CELF2: variants seen among roughly 807,000 people sequenced by gnomAD.
CELF2 encodes the protein CUG triplet repeat RNA-binding protein 2.
Under a neutral mutation model 62.6 loss-of-function variants are expected in CELF2, and 8 were observed. The observed-to-expected ratio is 0.13, with a 90% CI of 0.07 to 0.23. The LOEUF (loss-of-function observed/expected upper bound fraction) is 0.23, where lower values mean the gene tolerates loss of function less well. Among genes scored for constraint, CELF2 ranks in the 10% least tolerant of loss-of-function variants. CELF2 has a pLI of 1.00. For missense variants in CELF2, 333 were observed against 671.0 expected (o/e 0.50, Z 5.56); for synonymous variants, 258 against 250.0 (o/e 1.03, Z -0.30).
chr10:11,208,250 A>G (rs1177948399), intron 2 of CELF2, among the ~76,000 whole-genome samples: 1 of 151,738 alleles, frequency 6.6e-6, no homozygotes, highest in East Asian at 1.9e-4. Context: ...CCTTGGCCCT[A>G]TGAAGGTTCA....
At chr10:10,538,982 T>A in the CELF2 span, among the ~76,000 whole-genome samples, 1 of 152,242 alleles carries the variant, frequency 6.6e-6, no homozygotes, top group Admixed American at 6.5e-5. Context: ...AGCAGGAAAG[T>A]GAAAAGTAAT....
chr10:11,209,624 G>A (rs1001955892), intron 2 of CELF2, among the ~76,000 whole-genome samples: 6 of 150,040 alleles, frequency 4.0e-5, no homozygotes, highest in Non-Finnish European at 7.4e-5. Flanking sequence ...TAATTCAGGG[G>A]ATTTTTGATG....
the CELF2 span, chr10:10,784,466 T>TG: frequency 2.0e-5 from 3 of 152,148 alleles, no homozygotes; most frequent in African/African-American, 7.3e-5. Context: ...TTTTATTGAG[T>TG]GGTGGAGCTG....
intron 2 of CELF2, among the ~76,000 whole-genome samples, chr10:11,180,495 C>T (rs948233755): frequency 3.9e-5 from 6 of 152,298 alleles, no homozygotes; most frequent in African/African-American, 9.6e-5. Context: ...AAACCGACAC[C>T]GTACTCAGTC....
chr10:10,806,003 G>A (rs1246480892), intron 1 of CELF2, among the ~76,000 whole-genome samples: 3 of 152,142 alleles, frequency 2.0e-5, no homozygotes, highest in Non-Finnish European at 4.4e-5. Flanking sequence ...CAGTGTCTGA[G>A]GCCAGAGGAC....
intron 2 of CELF2, chr10:10,944,047 C>G (rs1160564863): frequency 2.6e-5 from 4 of 152,400 alleles, no homozygotes; most frequent in Non-Finnish European, 5.9e-5. Context: ...AGTGAAGAGT[C>G]TCTTTTCTAG....
the CELF2 span, among the ~76,000 whole-genome samples, chr10:10,709,872 G>T: frequency 6.6e-6 from 1 of 152,220 alleles, no homozygotes; most frequent in Non-Finnish European, 1.5e-5. Context: ...GGCTTGGTAT[G>T]TGAATACGTG....
chr10:10,636,143 A>G, the CELF2 span, among the ~76,000 whole-genome samples: 2 of 152,218 alleles, frequency 1.3e-5, no homozygotes, highest in East Asian at 3.8e-4. Context: ...TATTTGAATT[A>G]TTCCCTTCTG....
At chr10:10,846,005 T>C (rs2058990268) in intron 1 of CELF2, 2 of 476,488 alleles carry the variant, frequency 4.2e-6, no homozygotes, top group South Asian at 9.0e-5. Context: ...CGTCTGTGTG[T>C]CTCAGCTTCG....
At chr10:10,811,587 A>C (rs2055896353) in intron 1 of CELF2, among the ~76,000 whole-genome samples, 1 of 152,140 alleles carries the variant, frequency 6.6e-6, no homozygotes, top group Non-Finnish European at 1.5e-5. Context: ...CACATCTCAA[A>C]GGGATGGAGG....
chr10:10,848,387 T>C (rs1221006152), intron 1 of CELF2, among the ~76,000 whole-genome samples: 1 of 152,220 alleles, frequency 6.6e-6, no homozygotes, highest in Admixed American at 6.5e-5. Context: ...GGCATCATTT[T>C]ATGGATCCCA....
At chr10:10,867,796 G>C (rs1012026769) in intron 1 of CELF2, among the ~76,000 whole-genome samples, 1 of 152,196 alleles carries the variant, frequency 6.6e-6, no homozygotes, top group Non-Finnish European at 1.5e-5. Context: ...CCCAGCCCCA[G>C]GCTGATGGTA....
the CELF2 span, among the ~76,000 whole-genome samples, chr10:10,707,813 A>G: frequency 6.6e-6 from 1 of 152,200 alleles, no homozygotes; most frequent in Admixed American, 6.5e-5. Flanking sequence ...GGTTTGGATT[A>G]TTCGTTTAAA....
chr10:10,891,624 A>G (rs1198820899), intron 1 of CELF2, among the ~76,000 whole-genome samples: 1 of 152,182 alleles, frequency 6.6e-6, no homozygotes, highest in Non-Finnish European at 1.5e-5. Context: ...TAAGAGGCAG[A>G]GCTGGACTTC....
At chr10:10,731,243 AACACACACACACAC>A in the CELF2 span, among the ~76,000 whole-genome samples, 1 of 146,478 alleles carries the variant, frequency 6.8e-6, no homozygotes, top group Non-Finnish European at 1.5e-5. Flanking sequence ...TCCTGCAGAA[AACACACACACACAC>A]ACACACACAC....
the CELF2 span, among the ~76,000 whole-genome samples, chr10:10,510,484 G>A: frequency 1.3e-5 from 2 of 152,200 alleles, no homozygotes; most frequent in Admixed American, 6.5e-5. Context: ...TCTTCATCTT[G>A]CCAAAAGTTT....
At chr10:11,323,244 G>A (rs934741461) in intron 11 of CELF2, among the ~76,000 whole-genome samples, 1 of 151,896 alleles carries the variant, frequency 6.6e-6, no homozygotes, top group African/African-American at 2.4e-5. Flanking sequence ...CGGGTTTTCA[G>A]TAGCATGCTT....
the CELF2 span, among the ~76,000 whole-genome samples, chr10:10,790,954 A>G: frequency 6.6e-6 from 1 of 152,066 alleles, no homozygotes; most frequent in Non-Finnish European, 1.5e-5. Flanking sequence ...ATCATCATTT[A>G]CCCTCTCTGT....
At chr10:10,659,174 G>A in the CELF2 span, among the ~76,000 whole-genome samples, 3 of 152,200 alleles carry the variant, frequency 2.0e-5, no homozygotes, top group South Asian at 2.1e-4. Context: ...TTGCTCCTTC[G>A]TTTTTCTTGA....
Sources: gnomAD v4.1 joint callset for allele counts (sites outside exome capture counted in the v4.1 genomes callset) on GRCh38, gnomAD v4.1.1 for gene constraint, MANE v1.5 for transcripts, NCBI Gene and HGNC (gene_info 2026-07-23, HGNC 2026-07-21) for gene names.